The following MACROD2 variants were observed in gnomAD, a reference collection of about 807,000 sequenced individuals.
The protein encoded by MACROD2 is ADP-ribose glycohydrolase MACROD2.
MACROD2 carries 36 observed loss-of-function variants against 70.4 expected under a neutral mutation model. That is an observed-to-expected ratio of 0.51 (90% CI 0.39 to 0.68). The LOEUF (loss-of-function observed/expected upper bound fraction) is 0.68. Among genes scored for constraint, MACROD2 ranks in the 30% least tolerant of loss-of-function variants. The pLI is 0.00. For synonymous variants in MACROD2, 172 were observed against 178.8 expected, an observed-to-expected ratio of 0.96 and a Z score of 0.30; for missense variants, 496 against 538.4, an observed-to-expected ratio of 0.92 and a Z score of 0.78.
At chr20:15,517,978 G>T (rs554822131) in intron 8 of MACROD2, among the ~76,000 whole-genome samples, 1 of 152,204 alleles carries the variant, frequency 6.6e-6, no homozygotes, top group Non-Finnish European at 1.5e-5. Context: ...TAACGTGCAG[G>T]CACAGACCAT....
chr20:15,196,849 A>G (rs2076610106), intron 5 of MACROD2: 10 of 985,132 alleles, frequency 1.0e-5, no homozygotes, highest in Non-Finnish European at 1.2e-5. Flanking sequence ...TATCCATACC[A>G]GATATGCCAC....
At chr20:14,799,767 A>G (rs982841790) in intron 5 of MACROD2, among the ~76,000 whole-genome samples, 2 of 152,026 alleles carry the variant, frequency 1.3e-5, no homozygotes, top group Non-Finnish European at 2.9e-5. Context: ...CAGAGACCTT[A>G]CTTGCTGGGT....
chr20:15,340,458 C>T (rs1036590638), intron 6 of MACROD2, among the ~76,000 whole-genome samples: 2 of 152,000 alleles, frequency 1.3e-5, no homozygotes, highest in East Asian at 1.9e-4. Flanking sequence ...TTTTAACTCT[C>T]CTTTGAATAG....
chr20:14,501,048 C>A (rs1237832630), intron 4 of MACROD2, among the ~76,000 whole-genome samples: 5 of 146,918 alleles, frequency 3.4e-5, no homozygotes, highest in Admixed American at 6.8e-5. Flanking sequence ...AAAAAAAAAA[C>A]AAAAACCCAA....
At chr20:14,777,364 G>T (rs1471498498) in intron 5 of MACROD2, among the ~76,000 whole-genome samples, 1 of 151,956 alleles carries the variant, frequency 6.6e-6, no homozygotes, top group Non-Finnish European at 1.5e-5. Context: ...ACTAAGGGCT[G>T]GTTCTTGTGG....
At chr20:14,720,508 C>A (rs903746052) in intron 5 of MACROD2, among the ~76,000 whole-genome samples, 6 of 120,102 alleles carry the variant, frequency 5.0e-5, no homozygotes, top group African/African-American at 1.9e-4. Context: ...TGGTTTTTAG[C>A]CTGTTTCATT....
At chr20:15,578,999 T>C (rs1472888605) in intron 8 of MACROD2, among the ~76,000 whole-genome samples, 1 of 152,168 alleles carries the variant, frequency 6.6e-6, no homozygotes, top group Non-Finnish European at 1.5e-5. Context: ...GAAAATTGAG[T>C]TGAAAATAAT....
chr20:15,247,866 T>C (rs1601296374), intron 6 of MACROD2, among the ~76,000 whole-genome samples: 1 of 152,152 alleles, frequency 6.6e-6, no homozygotes, highest in South Asian at 2.1e-4. Flanking sequence ...CCTGGCTAAT[T>C]TTTGTATTTT....
intron 8 of MACROD2, among the ~76,000 whole-genome samples, chr20:15,761,398 A>G (rs576507834): frequency 1.3e-5 from 2 of 152,334 alleles, no homozygotes; most frequent in Non-Finnish European, 2.9e-5. Flanking sequence ...CTAAATTATT[A>G]TCACTCAAAT....
intron 3 of MACROD2, among the ~76,000 whole-genome samples, chr20:14,129,676 T>C (rs1390176135): frequency 1.3e-5 from 2 of 152,200 alleles, no homozygotes; most frequent in Non-Finnish European, 2.9e-5. Flanking sequence ...TTAAATTTCA[T>C]TGTCTTATTT....
At chr20:14,657,224 C>A (rs951437163) in intron 4 of MACROD2, among the ~76,000 whole-genome samples, 1 of 152,144 alleles carries the variant, frequency 6.6e-6, no homozygotes, top group Admixed American at 6.5e-5. Flanking sequence ...AGTTACAGAG[C>A]CTCATTCAAT....
intron 5 of MACROD2, among the ~76,000 whole-genome samples, chr20:14,694,787 A>G (rs6042858): frequency 0.017 from 2,626 of 152,258 alleles, 76 homozygotes; most frequent in African/African-American, 0.059. Context: ...ACATTTGCTC[A>G]TGTCTCTTTC....
At chr20:14,628,200 G>A (rs1464353158) in intron 4 of MACROD2, among the ~76,000 whole-genome samples, 1 of 152,178 alleles carries the variant, frequency 6.6e-6, no homozygotes, top group Non-Finnish European at 1.5e-5. Context: ...ATTAGTGTGA[G>A]GTGCAGAGAG....
intron 8 of MACROD2, among the ~76,000 whole-genome samples, chr20:15,807,578 C>A (rs1291189190): frequency 6.6e-6 from 1 of 152,024 alleles, no homozygotes; most frequent in African/African-American, 2.4e-5. Context: ...GTAAAAGACA[C>A]TGTGAATTTC....
intron 8 of MACROD2, among the ~76,000 whole-genome samples, chr20:15,715,153 G>A (rs2050689785): frequency 6.6e-6 from 1 of 151,966 alleles, no homozygotes; most frequent in Non-Finnish European, 1.5e-5. Context: ...TGTATAAAAT[G>A]CCATTATGTC....
intron 5 of MACROD2, among the ~76,000 whole-genome samples, chr20:15,009,259 A>T (rs1239589376): frequency 6.6e-6 from 1 of 152,190 alleles, no homozygotes; most frequent in South Asian, 2.1e-4. Flanking sequence ...GAGTAGTTTT[A>T]AAATATGCCC....
intron 5 of MACROD2, among the ~76,000 whole-genome samples, chr20:15,136,159 G>A (rs74717350): frequency 0.078 from 11,635 of 149,870 alleles, 464 homozygotes; most frequent in East Asian, 0.25. Flanking sequence ...TAGATTCAAT[G>A]CCATCCCCAT....
chr20:14,191,408 C>T (rs193160454), intron 3 of MACROD2, among the ~76,000 whole-genome samples: 9 of 152,254 alleles, frequency 5.9e-5, no homozygotes, highest in Admixed American at 2.6e-4. Context: ...ATCTCAGGAT[C>T]GTTTTTAATT....
chr20:15,181,227 A>G (rs570215824), intron 5 of MACROD2, among the ~76,000 whole-genome samples: 1 of 152,330 alleles, frequency 6.6e-6, no homozygotes, highest in Non-Finnish European at 1.5e-5. Flanking sequence ...CTGCAGATAC[A>G]GTGCATTGAT....
Sources: gnomAD v4.1 joint callset for allele counts (sites outside exome capture counted in the v4.1 genomes callset) on GRCh38, gnomAD v4.1.1 for gene constraint, MANE v1.5 for transcripts, NCBI Gene and HGNC (gene_info 2026-07-23, HGNC 2026-07-21) for gene names.